Variants in EPHB6 observed in about 807,000 individuals in gnomAD.
EPHB6 encodes ephrin type-B receptor 6.
In EPHB6, 51 loss-of-function variants were observed where a neutral mutation model predicts 107.0. The observed-to-expected ratio is 0.48, with a 90% CI of 0.38 to 0.60. The LOEUF (loss-of-function observed/expected upper bound fraction) is 0.60, where lower values mean the gene tolerates loss of function less well. Among genes scored for constraint, EPHB6 ranks in the 20% least tolerant of loss-of-function variants. The pLI, the probability that EPHB6 is intolerant of heterozygous loss-of-function variation, is 0.00. For synonymous variants in EPHB6, 553 were observed against 549.0 expected (o/e 1.01, Z -0.10); for missense variants, 1,141 against 1,355.5 (o/e 0.84, Z 2.48).
intron 1 of EPHB6, among the ~76,000 whole-genome samples, chr7:142,859,888 A>G (rs758504668): frequency 2.2e-4 from 34 of 152,100 alleles, no homozygotes; most frequent in Non-Finnish European, 2.9e-5. Context: ...ATGTTTCATA[A>G]TTGCTTTTGC....
chr7:142,869,211 T>C lies in EPHB6; in HGVS notation c.2460+64T>C, dbSNP rs922710754. The stretch of plus-strand genomic sequence containing the variant: ...TGGCATGCCCCAGCAGGTGCTGGGG[T>C]CGGGGGTGAGCTGGAATCTGGGGTA... On this transcript the variant is annotated intron_variant, in intron 16 of 19. Coordinates refer to ENST00000652003, the MANE Select transcript of EPHB6 (RefSeq NM_004445.6). The surrounding 1 kb of genome is among the most constrained non-coding windows in gnomAD (Gnocchi z 4.5). 1 of 1,568,746 alleles carries C rather than the reference T, an allele frequency of 6.4e-7. No individual in the cohort carries two copies. The highest frequency in any genetic ancestry group is 8.7e-7 in the Non-Finnish European group (1 of 1,149,266).
chr7:142,859,206 G>A (rs1454851644), intron 1 of EPHB6, among the ~76,000 whole-genome samples: 2 of 152,228 alleles, frequency 1.3e-5, no homozygotes, highest in African/African-American at 4.8e-5. Flanking sequence ...GGAGCAAGGG[G>A]CCTGGCTTTG....
At position 142,867,424 on chromosome 7, in the gene EPHB6, T is replaced by G. The variant is rs113190935; in HGVS notation, c.1751-184T>G. 2,147 of 608,158 alleles carry G rather than the reference T, an allele frequency of 3.5e-3. 41 individuals are homozygous for G. Among genetic ancestry groups the G allele is most frequent in the African/African-American group, 0.011 (514 of 45,148 alleles). The allele number at this position is 608,158 out of a possible 1,614,324, so 37.7% of individuals were successfully genotyped here. A position where few individuals can be genotyped will look rare whatever the true frequency, so the allele number is the denominator to read the frequency against. ...TGTGTGTGTGTGTTGTGTGTCCCTG[T>G]GTGTGGATGTGGGAGGGCTGTGGGC... On this transcript the variant is annotated intron_variant, in intron 11 of 19. Transcript: ENST00000652003. The surrounding 1 kb of genome is among the most constrained non-coding windows in gnomAD (Gnocchi z 5.3).
intron 6 of EPHB6, 58 bp from the exon 7 acceptor site, chr7:142,863,908 T>G: frequency 1.2e-6 from 2 of 1,611,816 alleles, no homozygotes; most frequent in Non-Finnish European, 1.7e-6. Flanking sequence ...CCCTATAACC[T>G]CTACCTCGCC....
At chr7:142,857,910 A>G (rs1435538564) in intron 1 of EPHB6, among the ~76,000 whole-genome samples, 2 of 152,218 alleles carry the variant, frequency 1.3e-5, no homozygotes, top group Admixed American at 1.3e-4. Context: ...TCACTCATTC[A>G]TTCTCAGCTC....
Position 142,866,695 on chromosome 7 carries a change from G to A in EPHB6, c.1587+90G>A, listed in dbSNP as rs2116451575. 1.2e-6 allele frequency: 2 copies of A among 1,607,572 alleles called. No individual in the cohort carries two copies. Among genetic ancestry groups the A allele is most frequent in the South Asian group, 2.2e-5 (2 of 90,800 alleles). On this transcript the variant is annotated intron_variant, in intron 10 of 19. Transcript: ENST00000652003. The surrounding 1 kb of genome is among the most constrained non-coding windows in gnomAD (Gnocchi z 5.2). The stretch of plus-strand genomic sequence containing the variant: ...CCCAGAGGTGACCAGGTGCACAGGA[G>A]GAATGAGGGGTCCGCAACAGGGCTG...
chr7:142,860,097 A>G (rs1034581761), intron 1 of EPHB6, among the ~76,000 whole-genome samples: 1 of 152,136 alleles, frequency 6.6e-6, no homozygotes, highest in African/African-American at 2.4e-5. Context: ...CATCTTTTCT[A>G]TCTTGCTTGG....
Position 142,863,981 on chromosome 7 carries a change from G to T in EPHB6, c.181G>T (p.Val61Phe). Residue 61 changes from valine (V) to phenylalanine (F), a missense_variant, in exon 7 of 20, where the codon GTT (valine) becomes TTT (phenylalanine). Physicochemically the swap from Val to Phe is conservative, Grantham distance 50 (BLOSUM62 -1). Coordinates refer to ENST00000652003, the MANE Select transcript of EPHB6 (RefSeq NM_004445.6). ...CTTCCTGCAGTGGGACGAGGTGAGT[G>T]TTCTGGACGACCAGCGACGCCTGAC... The part of the protein sequence containing the change: ...YPPGGWDEVS[V>F]LDDQRRLTRT... 6.2e-7 allele frequency: 1 copy of T among 1,614,240 alleles called. No individual in the cohort carries two copies. The highest frequency in any genetic ancestry group is 8.5e-7 in the Non-Finnish European group (1 of 1,180,042).
At chr7:142,865,832 AC>A in intron 8 of EPHB6, 127 bp from the exon 9 acceptor site, 1 of 1,131,740 alleles carries the variant, frequency 8.8e-7, no homozygotes. Context: ...TCTCTGGGCT[AC>A]CCCCACCCCA....
chr7:142,859,662 G>A (rs946623989), intron 1 of EPHB6, among the ~76,000 whole-genome samples: 1 of 151,972 alleles, frequency 6.6e-6, no homozygotes, highest in African/African-American at 2.4e-5. Flanking sequence ...ATAACCTTCA[G>A]TCATCTGGAT....
rs139843314 is a variant in EPHB6 at position 142,865,546 on chromosome 7, G to T, written c.1021G>T (p.Ala341Ser). Residue 341 changes from alanine (A) to serine (S), a missense_variant, in exon 8 of 20, where the codon GCT becomes TCT. Coordinates refer to ENST00000652003, the MANE Select transcript of EPHB6 (RefSeq NM_004445.6). ...PCSPCPARSH[A>S]PNPAAPVCPC... ...CTCACCATGCCCTGCCCGCAGTCACGCTCCCAACCCAGCAGCCCCCGTTTG... is the reference window on the plus strand; with the variant it reads ...CTCACCATGCCCTGCCCGCAGTCACTCTCCCAACCCAGCAGCCCCCGTTTG... 303 of 1,613,286 alleles carry T rather than the reference G, an allele frequency of 1.9e-4. No homozygotes were observed. The highest frequency in any genetic ancestry group is 3.7e-4 in the Admixed American group (22 of 59,990).
In EPHB6 at chr7:142,868,510, G is replaced by T. The variant is rs753358072; in HGVS notation, c.2057G>T (p.Arg686Leu). ...VIGTGSFGEV[R>L]QGRLQPRGRR... is the part of the protein sequence containing the mutation. ...TTCCCAGGCTCTTTTGGAGAAGTGC[G>T]CCAGGGCCGCCTGCAGCCACGGGGA... The change falls in exon 15 of 20, where the codon CGC (arginine) becomes CTC (leucine). Residue 686 changes from arginine (R) to leucine (L), a missense_variant. Arg to Leu is a moderately radical substitution (Grantham distance 102, BLOSUM62 -2). This residue lies in a region of EPHB6 where 616 missense variants were observed against 759.3 expected (regional missense o/e 0.81). Transcript: ENST00000652003. The surrounding 1 kb of genome is among the most constrained non-coding windows in gnomAD (Gnocchi z 4.2). The T allele has an allele frequency of 4.3e-5, 69 of 1,613,642 alleles. No individual in the cohort carries two copies. Among genetic ancestry groups the T allele is most frequent in the Non-Finnish European group, 5.3e-5 (62 of 1,180,012 alleles).
rs73460403 is a variant in EPHB6 at position 142,869,339 on chromosome 7, C to A, written c.2460+192C>A. 6.6e-6 allele frequency among the ~76,000 whole-genome samples: 1 copy of A among 152,038 alleles called. No individual in the cohort carries two copies. The highest frequency in any genetic ancestry group is 2.4e-5 in the African/African-American group (1 of 41,392). ...ACGGGGTTTGAGGGATTTCAGGGAC[C>A]GAGACAAAGGGGATGAGGGAGGGGA... On this transcript the variant is annotated intron_variant, in intron 16 of 19. Transcript: ENST00000652003. The surrounding 1 kb of genome is among the most constrained non-coding windows in gnomAD (Gnocchi z 4.5).
In EPHB6 at chr7:142,867,612, G is replaced by C. The variant is rs1410837726; in HGVS notation, c.1755G>C (p.Glu585Asp). The change falls in exon 12 of 20, where the codon GAG becomes GAC. Residue 585 changes from glutamate to aspartate, a missense_variant. By Grantham distance (45) the Glu-to-Asp change is conservative. Transcript: ENST00000652003. This position sits in a 1 kb window ranked among gnomAD's most constrained non-coding sequence, Gnocchi z 5.3. ...KVYFQTLPQG[E>D]LSSQLPERLS... ...CCCTGTCGGCTGGTCCCCCAGGGGA[G>C]CTGTCTTCCCAGCTTCCAGAAAGAC... 6.2e-7 allele frequency: 1 copy of C among 1,611,610 alleles called. No individual in the cohort carries two copies. Among genetic ancestry groups the C allele is most frequent in the African/African-American group, 1.3e-5 (1 of 74,892 alleles).
At position 142,870,393 on chromosome 7, in the gene EPHB6, G is replaced by A. The variant is rs1184598754; in HGVS notation, c.2790G>A (p.Gly930=). Residue 930 remains glycine (G), a synonymous_variant, in exon 18 of 20, where the codon GGG becomes GGA. Transcript: ENST00000652003. ...AGCCAGATACCCTGCAGGCTGGCGG[G>A]GACCCAGGGGAAAGGTCTGGAGCTT... is the stretch of plus-strand genomic sequence containing the variant. ...IRKPDTLQAG[G]DPGERPSQAL... 2 of 1,614,098 alleles carry A rather than the reference G, an allele frequency of 1.2e-6. No homozygotes were observed. The highest frequency in any genetic ancestry group is 1.3e-5 in the African/African-American group (1 of 75,074).
chr7:142,863,498 G>A (rs879084037), intron 5 of EPHB6, 133 bp from the exon 6 acceptor site: 5 of 1,232,878 alleles, frequency 4.1e-6, no homozygotes, highest in South Asian at 1.2e-5. Flanking sequence ...GGACCCTGAT[G>A]GACAGCTGTG....
Position 142,866,770 on chromosome 7 carries a change from G to T in EPHB6, c.1588-136G>T, listed in dbSNP as rs1008480657. ...AGGGGCCAGAGGCTGAATGGGCAAG[G>T]AGAGGTGCCCAGAAGTGTGCAGCAC... is the stretch of plus-strand genomic sequence containing the variant. On this transcript the variant is annotated intron_variant, in intron 10 of 19. Coordinates refer to ENST00000652003, the MANE Select transcript of EPHB6 (RefSeq NM_004445.6). The surrounding 1 kb of genome is among the most constrained non-coding windows in gnomAD (Gnocchi z 5.2). 2.5e-6 allele frequency: 4 copies of T among 1,574,424 alleles called. No homozygotes were observed. In the African/African-American group the frequency reaches 5.4e-5, roughly 21 times the overall value.
rs1377986545 is a variant in EPHB6 at position 142,863,627 on chromosome 7, G to A, written c.101-4G>A. ...CACTGTGTGCCCCTCTTATTTCTGG[G>A]CAGAGGTATTGCTGGACACCACCGG... On this transcript the variant is annotated splice_polypyrimidine_tract_variant and splice_region_variant and intron_variant, in intron 5 of 19. Transcript: ENST00000652003. The A allele has an allele frequency of 6.2e-7, 1 of 1,613,730 alleles. No individual in the cohort carries two copies. Among genetic ancestry groups the A allele is most frequent in the Admixed American group, 1.7e-5 (1 of 60,024 alleles).
In EPHB6 at chr7:142,863,466, C is replaced by A. The variant is rs373045096; in HGVS notation, c.100+139C>A. The A allele has an allele frequency of 2.1e-5, 25 of 1,171,462 alleles. 1 individual carries two copies. The East Asian group carries it at 2.6e-4, about 12-fold the overall frequency. 72.6% of individuals were successfully genotyped at this position (1,171,462 alleles called of 1,614,324 possible). The stretch of plus-strand genomic sequence containing the variant: ...AGGCATGGTGAGGATAATGAAGACC[C>A]ACATCAGATTTGTCAGAGAAAGGAC... On this transcript the variant is annotated intron_variant, in intron 5 of 19. Transcript: ENST00000652003.
Sources: allele counts gnomAD v4.1 joint callset (sites outside exome capture counted in the v4.1 genomes callset), GRCh38; gene constraint gnomAD v4.1.1; regional missense constraint gnomAD v4.1.1; non-coding constraint Gnocchi (gnomAD v3.1); transcripts MANE v1.5; gene names NCBI Gene and HGNC (gene_info 2026-07-23, HGNC 2026-07-21).